DNAH9: variants seen among roughly 807,000 people sequenced by gnomAD.
DNAH9 encodes the protein DNAH9 variant protein.
In DNAH9, 345 loss-of-function variants were observed where a neutral mutation model predicts 471.6. The ratio of observed to expected loss-of-function variants is 0.73; its 90% CI spans 0.67 to 0.80. DNAH9 has a LOEUF of 0.80. Ranked by LOEUF, DNAH9 falls within the 30% of genes least tolerant of loss-of-function variation. The pLI is 0.00. For missense variants in DNAH9, 5,407 were observed against 5,609.2 expected (o/e 0.96, Z 1.15); for synonymous variants, 2,093 against 2,123.6 (o/e 0.99, Z 0.40).
At chr17:11,763,402 C>T in intron 35 of DNAH9, 38 bp from the exon 36 acceptor site, 1 of 1,586,170 alleles carries the variant, frequency 6.3e-7, no homozygotes. Flanking sequence ...AATGGAATAT[C>T]CTCTGTGTTT....
chr17:11,794,384 C>T (rs1430846197), intron 42 of DNAH9, among the ~76,000 whole-genome samples: 1 of 152,156 alleles, frequency 6.6e-6, no homozygotes, highest in African/African-American at 2.4e-5. Flanking sequence ...AAACTTGGAA[C>T]ATTTGAAATA....
chr17:11,645,964 C>T (rs1399356266), intron 11 of DNAH9, among the ~76,000 whole-genome samples: 2 of 150,078 alleles, frequency 1.3e-5, no homozygotes, highest in African/African-American at 2.5e-5. Flanking sequence ...ACTGCAAGCT[C>T]CGCCTCCCGG....
chr17:11,681,372 A>T (rs2074130050), intron 19 of DNAH9, among the ~76,000 whole-genome samples: 1 of 152,144 alleles, frequency 6.6e-6, no homozygotes, highest in South Asian at 2.1e-4. Context: ...GCTTGTTATG[A>T]CAGGTCTTTA....
At chr17:11,757,777 G>A (rs1299298876) in intron 35 of DNAH9, 85 bp downstream of exon 35, 15 of 1,428,940 alleles carry the variant, frequency 1.0e-5, no homozygotes, top group East Asian at 7.1e-5. Flanking sequence ...CTGATGTTCT[G>A]TCCTGTCCCA....
intron 29 of DNAH9, among the ~76,000 whole-genome samples, chr17:11,739,248 C>T (rs141412509): frequency 5.9e-5 from 9 of 152,286 alleles, no homozygotes; most frequent in South Asian, 2.1e-4. Flanking sequence ...TAAATCCATA[C>T]GTTGGTAGCC....
chr17:11,656,430 A>T (rs1373470266), intron 14 of DNAH9, among the ~76,000 whole-genome samples: 1 of 151,784 alleles, frequency 6.6e-6, no homozygotes, highest in Non-Finnish European at 1.5e-5. Context: ...TTTCTTGCTG[A>T]TTTGCTATAA....
chr17:11,815,578 C>T (rs1353184406), intron 45 of DNAH9, among the ~76,000 whole-genome samples: 1 of 152,092 alleles, frequency 6.6e-6, no homozygotes, highest in Non-Finnish European at 1.5e-5. Context: ...CACTTGAGCC[C>T]CAGAGTTCAA....
At chr17:11,859,821 C>T (rs556277706) in intron 50 of DNAH9, among the ~76,000 whole-genome samples, 2 of 152,122 alleles carry the variant, frequency 1.3e-5, no homozygotes, top group South Asian at 2.1e-4. Flanking sequence ...GGGAATGATG[C>T]GAAACCATTC....
chr17:11,822,329 G>T, intron 46 of DNAH9, 109 bp from the exon 47 acceptor site: 1 of 1,322,414 alleles, frequency 7.6e-7, no homozygotes, highest in East Asian at 2.3e-5. Context: ...ATCTCTGTTG[G>T]ATGTGCTTCC....
chr17:11,743,687 G>A (rs1305831079), intron 30 of DNAH9, among the ~76,000 whole-genome samples: 3 of 152,122 alleles, frequency 2.0e-5, no homozygotes, highest in Non-Finnish European at 2.9e-5. Flanking sequence ...TGCCTTGACT[G>A]CACTTCTTTT....
At chr17:11,920,283 G>C (rs1974095593) in intron 61 of DNAH9, among the ~76,000 whole-genome samples, 1 of 151,712 alleles carries the variant, frequency 6.6e-6, no homozygotes, top group African/African-American at 2.4e-5. Context: ...TGATCCACCT[G>C]CCTCAGCCTC....
intron 66 of DNAH9, among the ~76,000 whole-genome samples, chr17:11,939,946 C>T (rs12936655): frequency 0.46 from 69,479 of 151,552 alleles, 16,468 homozygotes; most frequent in Middle Eastern, 0.56. Flanking sequence ...GGTGGATGGA[C>T]GGATGATAGA....
chr17:11,712,646 C>A (rs8067089), intron 26 of DNAH9, among the ~76,000 whole-genome samples: 1 of 151,886 alleles, frequency 6.6e-6, no homozygotes, highest in Non-Finnish European at 1.5e-5. Flanking sequence ...GACATTTGGA[C>A]TTTAATTCGC....
intron 6 of DNAH9, among the ~76,000 whole-genome samples, chr17:11,621,085 C>T (rs16945084): frequency 0.067 from 10,114 of 151,906 alleles, 1,093 homozygotes; most frequent in African/African-American, 0.22. Flanking sequence ...CAGACTTAAA[C>T]GGATTTGAGA....
intron 27 of DNAH9, among the ~76,000 whole-genome samples, chr17:11,724,141 G>T (rs2075112431): frequency 6.6e-6 from 1 of 151,782 alleles, no homozygotes; most frequent in Non-Finnish European, 1.5e-5. Context: ...ATCGAATCAG[G>T]GTAATTAGGA....
intron 1 of DNAH9, among the ~76,000 whole-genome samples, chr17:11,600,204 A>G (rs2072356043): frequency 6.6e-6 from 1 of 152,212 alleles, no homozygotes; most frequent in Non-Finnish European, 1.5e-5. Flanking sequence ...TGAAGCCTGA[A>G]CTTAGATCAG....
chr17:11,823,862 G>A (rs1337227570), intron 48 of DNAH9, among the ~76,000 whole-genome samples: 3 of 151,734 alleles, frequency 2.0e-5, no homozygotes, highest in African/African-American at 7.3e-5. Context: ...CCCAGGTGGC[G>A]GAGATTGCAG....
intron 47 of DNAH9, 89 bp from the exon 48 acceptor site, chr17:11,822,712 G>C: frequency 6.3e-7 from 1 of 1,583,070 alleles, no homozygotes; most frequent in Non-Finnish European, 8.6e-7. Flanking sequence ...GTTTCCACAT[G>C]GTGGAGGAAT....
At chr17:11,695,036 A>G (rs1208051706) in intron 22 of DNAH9, among the ~76,000 whole-genome samples, 1 of 150,530 alleles carries the variant, frequency 6.6e-6, no homozygotes, top group Non-Finnish European at 1.5e-5. Context: ...CCACAGGTGC[A>G]TGCCACCATG....
Sources: gnomAD v4.1 joint callset for allele counts (sites outside exome capture counted in the v4.1 genomes callset) on GRCh38, gnomAD v4.1.1 for gene constraint, MANE v1.5 for transcripts, NCBI Gene and HGNC (gene_info 2026-07-23, HGNC 2026-07-21) for gene names.